TRIM35: variants seen among roughly 807,000 people sequenced by gnomAD.
The protein encoded by TRIM35 is E3 ubiquitin-protein ligase TRIM35.
TRIM35 carries 37 observed loss-of-function variants against 49.1 expected under a neutral mutation model. The observed-to-expected ratio is 0.75, with a 90% CI of 0.58 to 0.99. The LOEUF is 0.99. Among genes scored for constraint, TRIM35 ranks in the 50% least tolerant of loss-of-function variants. The pLI is 0.00. For synonymous variants in TRIM35, 302 were observed against 289.3 expected (o/e 1.04, Z -0.45); for missense variants, 648 against 702.7 (o/e 0.92, Z 0.88).
At chr8:27,292,747 A>G (rs1802480145) in intron 3 of TRIM35, among the ~76,000 whole-genome samples, 1 of 152,208 alleles carries the variant, frequency 6.6e-6, no homozygotes, top group African/African-American at 2.4e-5. Context: ...GGAGGCATGA[A>G]ATGTTCTAAA....
chr8:27,292,711 G>T (rs1010097907), intron 3 of TRIM35, among the ~76,000 whole-genome samples: 2 of 152,218 alleles, frequency 1.3e-5, no homozygotes, highest in East Asian at 3.8e-4. Context: ...GAACTGGGGA[G>T]TGACAGCTAA....
At chr8:27,292,222 G>A (rs1802470046) in intron 3 of TRIM35, among the ~76,000 whole-genome samples, 1 of 152,158 alleles carries the variant, frequency 6.6e-6, no homozygotes. Context: ...ATACTTAACA[G>A]TGGGCTCCAG....
Position 27,287,597 on chromosome 8 carries a change from G to GC in TRIM35, c.1434dup (p.Arg479AlafsTer37). 6.2e-7 allele frequency: 1 copy of GC among 1,604,508 alleles called. No individual in the cohort carries two copies. The highest frequency in any genetic ancestry group is 1.1e-5 in the South Asian group (1 of 89,412). ...ACACTGATGTGCAAGGGGCAGATGC[G>GC]CAAAGGCTCTGGAGGCCCGGCGCCC... On this transcript the variant is annotated frameshift_variant, in exon 6 of 6. Coordinates refer to ENST00000305364, the MANE Select transcript of TRIM35 (RefSeq NM_171982.5). LOFTEE classifies it high-confidence loss of function. The surrounding 1 kb of genome is among the most constrained non-coding windows in gnomAD (Gnocchi z 6.0).
chr8:27,291,622 A>G (rs769695391), intron 3 of TRIM35, among the ~76,000 whole-genome samples: 2 of 152,262 alleles, frequency 1.3e-5, no homozygotes, highest in Non-Finnish European at 2.9e-5. Context: ...CATATTATTC[A>G]TAATAGCCAA....
intron 1 of TRIM35, among the ~76,000 whole-genome samples, chr8:27,307,320 C>T (rs185442368): frequency 1.3e-3 from 198 of 152,122 alleles, no homozygotes; most frequent in African/African-American, 4.5e-3. Context: ...CACACCCCCA[C>T]GCTGTGCCCC....
At chr8:27,294,648 T>C (rs915033487) in intron 2 of TRIM35, among the ~76,000 whole-genome samples, 2 of 152,228 alleles carry the variant, frequency 1.3e-5, no homozygotes, top group African/African-American at 2.4e-5. Flanking sequence ...TCCTGAATCA[T>C]AGAAATGAAT....
At chr8:27,307,334 G>A (rs546004506) in intron 1 of TRIM35, among the ~76,000 whole-genome samples, 58 of 150,006 alleles carry the variant, frequency 3.9e-4, no homozygotes, top group African/African-American at 1.4e-3. Context: ...GTGCCCCGCC[G>A]CCACACCCCC....
chr8:27,304,199 G>A (rs184975137), intron 1 of TRIM35, among the ~76,000 whole-genome samples: 1 of 152,302 alleles, frequency 6.6e-6, no homozygotes, highest in East Asian at 1.9e-4. Flanking sequence ...GGTGCTCTGT[G>A]GTATAGCTGG....
Position 27,294,136 on chromosome 8 carries a change from G to A in TRIM35, c.706C>T (p.His236Tyr). The A allele has an allele frequency of 1.2e-6, 2 of 1,614,214 alleles. No homozygotes were observed. The highest frequency in any genetic ancestry group is 1.7e-6 in the Non-Finnish European group (2 of 1,180,046). Residue 236 changes from histidine (H) to tyrosine (Y), a missense_variant, in exon 3 of 6, where the codon CAT becomes TAT. Transcript: ENST00000305364. ...TCCATCTGCAGCCGCTCGATCTCAT[G>A]TGCCAGCACCTCCGTCTCCTCTGTG... is the stretch of plus-strand genomic sequence containing the variant. Reference protein sequence around the residue: ...QLTEETEVLAHEIERLQMEMK... With the variant: ...QLTEETEVLAYEIERLQMEMK...
chr8:27,306,244 A>G (rs1586055931), intron 1 of TRIM35, among the ~76,000 whole-genome samples: 1 of 151,312 alleles, frequency 6.6e-6, no homozygotes, highest in Admixed American at 6.6e-5. Context: ...AGACAATCCT[A>G]CTCCAAGCCA....
chr8:27,290,270 G>T, intron 3 of TRIM35, 92 bp from the exon 4 acceptor site: 1 of 1,216,570 alleles, frequency 8.2e-7, no homozygotes, highest in Non-Finnish European at 1.2e-6. Context: ...TGCATTCCAT[G>T]GATCATAAGT....
Position 27,310,942 on chromosome 8 carries a change from C to T in TRIM35, c.294G>A (p.Ser98=). 5 of 1,612,660 alleles carry T rather than the reference C, an allele frequency of 3.1e-6. No individual in the cohort carries two copies. Among genetic ancestry groups the T allele is most frequent in the Non-Finnish European group, 4.2e-6 (5 of 1,179,746 alleles). The change falls in exon 1 of 6, where the codon TCG becomes TCA. Residue 98 remains serine, a synonymous_variant. Transcript: ENST00000305364. The part of the protein sequence containing the change: ...EGARWTSYRF[S]RVCRLHRGQL... ...GTCCGCGGTGCAGGCGGCAGACACG[C>T]GAGAAGCGGTAGCTGGTCCAGCGCG...
chr8:27,294,066 G>A lies in TRIM35; in HGVS notation c.762+14C>T, dbSNP rs182226773. On this transcript the variant is annotated intron_variant, in intron 3 of 5. Transcript: ENST00000305364. ...TGTGGCCCTGTCACTGAATCCAGACGCTGAGCTCCTTACCATGAGAAAAGA... is the reference window on the plus strand; with the variant it reads ...TGTGGCCCTGTCACTGAATCCAGACACTGAGCTCCTTACCATGAGAAAAGA... 4.1e-4 allele frequency: 662 copies of A among 1,612,464 alleles called. 1 individual carries two copies. The highest frequency in any genetic ancestry group is 5.3e-4 in the Non-Finnish European group (622 of 1,179,184).
intron 1 of TRIM35, among the ~76,000 whole-genome samples, chr8:27,309,023 G>A (rs772628050): frequency 2.6e-5 from 4 of 152,098 alleles, no homozygotes; most frequent in South Asian, 2.1e-4. Context: ...CTCTTCCCTC[G>A]GGTCTCTGCT....
chr8:27,295,827 G>A (rs951712970), intron 2 of TRIM35, among the ~76,000 whole-genome samples: 1 of 151,904 alleles, frequency 6.6e-6, no homozygotes, highest in African/African-American at 2.4e-5. Flanking sequence ...AAATGAAAAT[G>A]GCCAAAAAAA....
At chr8:27,301,641 A>G (rs1802684949) in intron 1 of TRIM35, among the ~76,000 whole-genome samples, 1 of 151,878 alleles carries the variant, frequency 6.6e-6, no homozygotes, top group Non-Finnish European at 1.5e-5. Flanking sequence ...AATATTTTCT[A>G]CTTCATCATT....
At chr8:27,296,256 G>A (rs1174111144) in intron 2 of TRIM35, among the ~76,000 whole-genome samples, 1 of 150,610 alleles carries the variant, frequency 6.6e-6, no homozygotes, top group Non-Finnish European at 1.5e-5. Context: ...TGCTGCACCT[G>A]TCAACCCATC....
chr8:27,290,006 C>T, intron 4 of TRIM35, 150 bp downstream of exon 4: 1 of 872,632 alleles, frequency 1.1e-6, no homozygotes, highest in Non-Finnish European at 1.8e-6. Context: ...TGGCCATTGT[C>T]CACCTCTCCC....
At chr8:27,291,817 A>C (rs557208077) in intron 3 of TRIM35, among the ~76,000 whole-genome samples, 1 of 152,156 alleles carries the variant, frequency 6.6e-6, no homozygotes, top group African/African-American at 2.4e-5. Context: ...GGCAGAAGGA[A>C]GAAGGGCAAG....
Sources: gnomAD v4.1 joint callset for allele counts (sites outside exome capture counted in the v4.1 genomes callset) on GRCh38, gnomAD v4.1.1 for gene constraint, Gnocchi (gnomAD v3.1) non-coding constraint, MANE v1.5 for transcripts, NCBI Gene and HGNC (gene_info 2026-07-23, HGNC 2026-07-21) for gene names.